The following SIRPB1 variants were observed in gnomAD, a reference collection of about 807,000 sequenced individuals.
SIRPB1 encodes the protein signal-regulatory protein beta-1.
SIRPB1 carries 28 observed loss-of-function variants against 34.1 expected under a neutral mutation model. The ratio of observed to expected loss-of-function variants is 0.82; its 90% CI spans 0.61 to 1.12. The LOEUF is 1.12. Among genes scored for constraint, SIRPB1 ranks in the 50% most tolerant of loss-of-function variants. The probability of loss-of-function intolerance (pLI) is 0.00; values close to 1 mark genes in which losing one functional copy is unlikely to be tolerated. For missense variants in SIRPB1, 499 were observed against 507.0 expected (o/e 0.98, Z 0.15); for synonymous variants, 211 against 203.8 (o/e 1.04, Z -0.30).
chr20:1,562,017 A>C lies in SIRPB1; in HGVS notation c.*3483T>G, dbSNP rs2091086794. On this transcript the variant is annotated 3_prime_UTR_variant, in exon 6 of 6. Transcript: ENST00000381605. Reference sequence around the variant, plus strand: ...TATATCAGTATGGACTCAGATATTTATTTTATACTTTGGACTATAACTCAT... The same window carrying C: ...TATATCAGTATGGACTCAGATATTTCTTTTATACTTTGGACTATAACTCAT... Among the ~76,000 whole-genome samples, 1 of 152,086 alleles carries C rather than the reference A, an allele frequency of 6.6e-6. No individual in the cohort carries two copies. The highest frequency in any genetic ancestry group is 1.5e-5 in the Non-Finnish European group (1 of 68,020).
rs565025562 is a variant in SIRPB1 at position 1,562,164 on chromosome 20, CT to C, written c.*3335del. Among the ~76,000 whole-genome samples the C allele has an allele frequency of 2.5e-3, 383 of 151,982 alleles. 1 individual carries two copies. Among genetic ancestry groups the C allele is most frequent in the African/African-American group, 8.2e-3 (339 of 41,438 alleles). On this transcript the variant is annotated 3_prime_UTR_variant, in exon 6 of 6. Transcript: ENST00000381605. ...CTGTGGGTTTTGGTTTTGGGGTTGA[CT>C]TTTTTTTCTTGTTAGCACTTTCTTA...
Position 1,592,203 on chromosome 20 carries a change from C to T in SIRPB1, c.77-13509G>A, listed in dbSNP as rs2091444657. Among the ~76,000 whole-genome samples the T allele has an allele frequency of 4.1e-5, 2 of 48,398 alleles. 1 individual carries two copies. The highest frequency in any genetic ancestry group is 7.9e-5 in the Non-Finnish European group (2 of 25,270). The allele number at this position is 48,398 out of a possible 152,430, so 31.8% of individuals were successfully genotyped here. On this transcript the variant is annotated intron_variant, in intron 1 of 5. Transcript: ENST00000381605. ...TTTGTTTGTTTGTTTGTTTTTGACA[C>T]GGAGTCTCACTCTGTCACCCAGGCT... is the stretch of plus-strand genomic sequence containing the variant.
rs2091455571 is a variant in SIRPB1, at chr20:1,595,447, C to T, written c.77-16753G>A. Among the ~76,000 whole-genome samples the T allele has an allele frequency of 4.1e-5, 2 of 48,754 alleles. 1 individual carries two copies. Among genetic ancestry groups the T allele is most frequent in the Non-Finnish European group, 7.9e-5 (2 of 25,184 alleles). 32.0% of individuals were successfully genotyped at this position (48,754 alleles called of 152,430 possible). On this transcript the variant is annotated intron_variant, in intron 1 of 5. Transcript: ENST00000381605. Reference sequence around the variant, plus strand: ...GCTCTGCAGGGGAGGAGAAGCCCCACCTTGCCATGATGTCCCAGGAGGGAA... The same window carrying T: ...GCTCTGCAGGGGAGGAGAAGCCCCATCTTGCCATGATGTCCCAGGAGGGAA...
chr20:1,615,872 C>T (rs1175260547), intron 1 of SIRPB1, among the ~76,000 whole-genome samples: 2 of 151,998 alleles, frequency 1.3e-5, no homozygotes, highest in African/African-American at 4.8e-5. Flanking sequence ...TTATCAGTGG[C>T]TAATTTATGA....
At position 1,605,129 on chromosome 20, in the gene SIRPB1, T is replaced by C. The variant is rs2317875; in HGVS notation, c.76+14740A>G. ...AATCACTAACGATAAGTGTGTGAGA[T>C]GTTAAGAACCTTCTGAGACATTATT... On this transcript the variant is annotated intron_variant, in intron 1 of 5. Transcript: ENST00000381605. 5.2e-6 allele frequency: 3 copies of C among 574,308 alleles called. 1 individual carries two copies. The highest frequency in any genetic ancestry group is 7.0e-6 in the Non-Finnish European group (3 of 426,782). The allele number at this position is 574,308 out of a possible 1,614,324, so 35.6% of individuals were successfully genotyped here. A position where few individuals can be genotyped will look rare whatever the true frequency, so the allele number is the denominator to read the frequency against.
chr20:1,594,207 A>C (rs181887031), intron 1 of SIRPB1, among the ~76,000 whole-genome samples: 1,321 of 48,456 alleles, frequency 0.027, 621 homozygotes, highest in African/African-American at 0.18. Context: ...CCGTCTCAAA[A>C]AAACAAACAA....
rs1446248556 is a variant in SIRPB1, at chr20:1,571,822, T to A, written c.649A>T (p.Thr217Ser). 12 of 1,614,090 alleles carry A rather than the reference T, an allele frequency of 7.4e-6. No homozygotes were observed. Among genetic ancestry groups the A allele is most frequent in the African/African-American group, 2.7e-5 (2 of 74,944 alleles). ...ACTTGAGAGTGAACGTCCCCACGGGTCAGCACCACCCTGGCTGTGCTGTGG... is the reference window on the plus strand; with the variant it reads ...ACTTGAGAGTGAACGTCCCCACGGGACAGCACCACCCTGGCTGTGCTGTGG... ...SIHSTARVVL[T>S]RGDVHSQVIC... The change falls in exon 3 of 6, where the codon ACC (threonine) becomes TCC (serine). Residue 217 changes from threonine (T) to serine (S), a missense_variant. Coordinates refer to ENST00000381605, the MANE Select transcript of SIRPB1 (RefSeq NM_006065.5).
chr20:1,599,167 G>T lies in SIRPB1; in HGVS notation c.77-20473C>A, dbSNP rs1378560899. ...CAGGTTGTCCTCCCGGAGGGACGAA[G>T]TGGAGAGAATGTGTACTCATGCATT... On this transcript the variant is annotated intron_variant, in intron 1 of 5. Transcript: ENST00000381605. Among the ~76,000 whole-genome samples the T allele has an allele frequency of 4.0e-5, 2 of 49,656 alleles. 1 individual carries two copies. Among genetic ancestry groups the T allele is most frequent in the Non-Finnish European group, 7.8e-5 (2 of 25,560 alleles). 32.6% of individuals were successfully genotyped at this position (49,656 alleles called of 152,430 possible).
At chr20:1,569,503 G>A (rs1286342829) in intron 4 of SIRPB1, among the ~76,000 whole-genome samples, 1 of 152,198 alleles carries the variant, frequency 6.6e-6, no homozygotes, top group Non-Finnish European at 1.5e-5. Flanking sequence ...ACGTGACTAT[G>A]CACCTTCCAC....
At chr20:1,580,246 C>A (rs55650624) in intron 1 of SIRPB1, among the ~76,000 whole-genome samples, 1 of 147,480 alleles carries the variant, frequency 6.8e-6, no homozygotes, top group Admixed American at 6.7e-5. Context: ...ATCTTCCCAC[C>A]ACTCTAACCT....
chr20:1,571,990 G>C lies in SIRPB1; in HGVS notation c.481C>G (p.Pro161Ala). 1 of 1,614,114 alleles carries C rather than the reference G, an allele frequency of 6.2e-7. No homozygotes were observed. Among genetic ancestry groups the C allele is most frequent in the Non-Finnish European group, 8.5e-7 (1 of 1,180,014 alleles). Residue 161 changes from proline (P) to alanine (A), a missense_variant, in exon 3 of 6, where the codon CCT (proline) becomes GCT (alanine). By Grantham distance (27) the Pro-to-Ala change is conservative. Coordinates refer to ENST00000381605, the MANE Select transcript of SIRPB1 (RefSeq NM_006065.5). ...VVSGPAVRAT[P>A]EHTVSFTCES... ...CAGGTGAAGCTCACTGTGTGCTCAG[G>C]TGTGGCCCTCACCGCAGGGCCCGAT... is the stretch of plus-strand genomic sequence containing the variant.
intron 2 of SIRPB1, among the ~76,000 whole-genome samples, chr20:1,573,612 G>A (rs1427190211): frequency 7.0e-6 from 1 of 142,356 alleles, no homozygotes; most frequent in East Asian, 2.0e-4. Flanking sequence ...GTCCCTAGAA[G>A]GCTGAGAGGC....
rs1176208371 is a variant in SIRPB1, at chr20:1,585,029, T to C, written c.77-6335A>G. On this transcript the variant is annotated intron_variant, in intron 1 of 5. Coordinates refer to ENST00000381605, the MANE Select transcript of SIRPB1 (RefSeq NM_006065.5). ...AAATGTCAGTCTCTTGAAAAAGGGG[T>C]GTTGGGAAACCTGAATATCCATGTG... 4.1e-5 allele frequency among the ~76,000 whole-genome samples: 2 copies of C among 48,628 alleles called. 1 individual carries two copies. The highest frequency in any genetic ancestry group is 2.7e-4 in the African/African-American group (2 of 7,356). The allele number at this position is 48,628 out of a possible 152,430, so 31.9% of individuals were successfully genotyped here.
At chr20:1,569,572 C>A (rs1292463340) in intron 4 of SIRPB1, among the ~76,000 whole-genome samples, 1 of 152,214 alleles carries the variant, frequency 6.6e-6, no homozygotes, top group Admixed American at 6.5e-5. Context: ...CCTCTTCTGG[C>A]AGGCAGGGAC....
intron 3 of SIRPB1, 140 bp downstream of exon 3, chr20:1,571,580 A>G: frequency 4.9e-6 from 6 of 1,229,378 alleles, no homozygotes; most frequent in Non-Finnish European, 6.8e-6. Context: ...ATAGTAAGTG[A>G]CCGGCTCACC....
intron 4 of SIRPB1, among the ~76,000 whole-genome samples, chr20:1,567,266 C>T (rs954185862): frequency 3.9e-5 from 6 of 152,068 alleles, no homozygotes; most frequent in Non-Finnish European, 7.4e-5. Context: ...TTTATTCCTT[C>T]TAAGGGGCAG....
Position 1,573,718 on chromosome 20 carries a change from A to C in SIRPB1, c.434-1681T>G, listed in dbSNP as rs984659534. Among the ~76,000 whole-genome samples the C allele has an allele frequency of 5.0e-4, 74 of 147,244 alleles. 6 individuals carry two copies. Among genetic ancestry groups the C allele is most frequent in the Non-Finnish European group, 8.5e-4 (56 of 65,804 alleles). On this transcript the variant is annotated intron_variant, in intron 2 of 5. Coordinates refer to ENST00000381605, the MANE Select transcript of SIRPB1 (RefSeq NM_006065.5). ...CACTTCAATCCTCCTTCTATTTGTC[A>C]GAGGGGGTCCTCATGTGAGCCCTTG...
At chr20:1,600,783 C>T (rs2091473051) in intron 1 of SIRPB1, among the ~76,000 whole-genome samples, 1 of 48,952 alleles carries the variant, frequency 2.0e-5, no homozygotes, top group Admixed American at 1.4e-4. Context: ...GCAAAATTGA[C>T]AGTGGAAATG....
intron 1 of SIRPB1, among the ~76,000 whole-genome samples, chr20:1,602,638 T>G (rs1600143886): frequency 2.0e-5 from 1 of 49,460 alleles, no homozygotes; most frequent in East Asian, 5.7e-4. Context: ...AATTTTAAAT[T>G]TTATGAAGTT....
Sources: gnomAD v4.1 joint callset for allele counts (sites outside exome capture counted in the v4.1 genomes callset) on GRCh38, gnomAD v4.1.1 for gene constraint, MANE v1.5 for transcripts, NCBI Gene and HGNC (gene_info 2026-07-23, HGNC 2026-07-21) for gene names.